STIM2: variants seen among roughly 807,000 people sequenced by gnomAD.
STIM2 encodes the protein stromal interaction molecule 2.
In STIM2, 31 loss-of-function variants were observed where a neutral mutation model predicts 85.8. The ratio of observed to expected loss-of-function variants is 0.36; its 90% CI spans 0.27 to 0.49. The LOEUF (loss-of-function observed/expected upper bound fraction) is 0.49. STIM2 is among the 20% of genes least tolerant of loss of function. The pLI is 0.98. For synonymous variants in STIM2, 356 were observed against 331.1 expected (o/e 1.08, Z -0.82); for missense variants, 841 against 927.6 (o/e 0.91, Z 1.21).
At chr4:26,868,771 G>A (rs1354341676) in intron 1 of STIM2, among the ~76,000 whole-genome samples, 1 of 151,634 alleles carries the variant, frequency 6.6e-6, no homozygotes, top group Non-Finnish European at 1.5e-5. Context: ...CATCTCTAAC[G>A]TTTTCATTAA....
intron 1 of STIM2, among the ~76,000 whole-genome samples, chr4:26,912,416 A>C (rs1724379860): frequency 6.6e-6 from 1 of 152,142 alleles, no homozygotes; most frequent in African/African-American, 2.4e-5. Flanking sequence ...TTTCAGCTTC[A>C]TTTCTTTCTT....
rs56851120 is a variant in STIM2 at position 26,885,821 on chromosome 4, TTATATATATATATA to T, written c.151+24492_151+24505del. 5.7e-3 allele frequency among the ~76,000 whole-genome samples: 486 copies of T among 84,562 alleles called. 4 individuals carry two copies. Among genetic ancestry groups the T allele is most frequent in the African/African-American group, 8.7e-3 (242 of 27,774 alleles). 55.5% of individuals were successfully genotyped at this position (84,562 alleles called of 152,430 possible). On this transcript the variant is annotated intron_variant, in intron 1 of 11. Transcript: ENST00000467087. ...ATGAAGCCAAATTTAGCACCTCAGG[TTATATATATATATA>T]TATATATATATATATATATATATAT...
intron 2 of STIM2, among the ~76,000 whole-genome samples, chr4:26,932,857 A>T (rs1194348839): frequency 6.6e-6 from 1 of 152,348 alleles, no homozygotes; most frequent in South Asian, 2.1e-4. Flanking sequence ...ACAGTGTGCT[A>T]GATGTTGGCT....
In STIM2 at chr4:26,957,247, A is replaced by G. The variant is rs963854805; in HGVS notation, c.283-365A>G. 2.6e-5 allele frequency among the ~76,000 whole-genome samples: 4 copies of G among 152,294 alleles called. No individual in the cohort carries two copies. The South Asian group carries it at 8.3e-4, about 32-fold the overall frequency. On this transcript the variant is annotated intron_variant, in intron 2 of 11. Transcript: ENST00000467087. ...TTAAAACTCTGTACCTGTTCAGTAC[A>G]GACACAGCCATCCATTTTCCCCCAA...
chr4:26,896,631 T>C (rs935947828), intron 1 of STIM2, among the ~76,000 whole-genome samples: 1 of 152,224 alleles, frequency 6.6e-6, no homozygotes, highest in Admixed American at 6.5e-5. Context: ...ATTTTAAAAT[T>C]GGAAGTTTTC....
intron 2 of STIM2, among the ~76,000 whole-genome samples, chr4:26,949,535 A>G (rs757497035): frequency 3.9e-5 from 6 of 152,208 alleles, no homozygotes; most frequent in African/African-American, 1.4e-4. Context: ...TAAAGGCCCT[A>G]TAGTGGTTAT....
chr4:27,021,436 A>G lies in STIM2; in HGVS notation c.1764-1083A>G, dbSNP rs1728908825. Reference sequence around the variant, plus strand: ...GTGGAGATGGAGAGTAGATAACACCAAGCAGAGGGAACAGCAAATGCAGGG... The same window carrying G: ...GTGGAGATGGAGAGTAGATAACACCGAGCAGAGGGAACAGCAAATGCAGGG... On this transcript the variant is annotated intron_variant, in intron 11 of 11. Transcript: ENST00000467087. The G allele has an allele frequency of 1.1e-5, 5 of 455,964 alleles. No individual in the cohort carries two copies. In the Admixed American group the frequency reaches 1.2e-4, roughly 11 times the overall value. 28.2% of individuals were successfully genotyped at this position (455,964 alleles called of 1,614,324 possible).
intron 1 of STIM2, among the ~76,000 whole-genome samples, chr4:26,918,557 T>C (rs1724677860): frequency 6.6e-6 from 1 of 152,136 alleles, no homozygotes; most frequent in Admixed American, 6.5e-5. Flanking sequence ...TCTGGAAATA[T>C]ATGTGGTTCT....
intron 2 of STIM2, among the ~76,000 whole-genome samples, chr4:26,944,826 C>T (rs1725754050): frequency 1.3e-5 from 2 of 152,148 alleles, no homozygotes; most frequent in Non-Finnish European, 2.9e-5. Flanking sequence ...TTCTTATGTA[C>T]ATGGATTTGT....
intron 1 of STIM2, among the ~76,000 whole-genome samples, chr4:26,868,006 G>A (rs1041295782): frequency 2.0e-5 from 3 of 152,198 alleles, no homozygotes; most frequent in Non-Finnish European, 4.4e-5. Flanking sequence ...TTGGCCCTTG[G>A]TGTGCTATAG....
chr4:27,015,879 ATC>A (rs1728716227), intron 10 of STIM2, among the ~76,000 whole-genome samples: 1 of 148,846 alleles, frequency 6.7e-6, no homozygotes, highest in Admixed American at 6.7e-5. Flanking sequence ...ACTAGCCATT[ATC>A]TCTTTGAATA....
intron 7 of STIM2, among the ~76,000 whole-genome samples, chr4:27,007,185 T>TC (rs968623506): frequency 1.3e-5 from 2 of 151,800 alleles, no homozygotes; most frequent in South Asian, 2.1e-4. Context: ...GACTTTTTTT[T>TC]CCCCCTCAGT....
chr4:26,957,531 A>G lies in STIM2; in HGVS notation c.283-81A>G. On this transcript the variant is annotated intron_variant, in intron 2 of 11. Coordinates refer to ENST00000467087, the MANE Select transcript of STIM2 (RefSeq NM_020860.4). ...CTGTTTGAAAATAGTCACCCACTGG[A>G]TATCAGATTTCATCTTTTTCTCTAG... The G allele has an allele frequency of 3.8e-6, 3 of 793,026 alleles. No homozygotes were observed. In the Admixed American group the frequency reaches 9.6e-5, roughly 25 times the overall value. The allele number at this position is 793,026 out of a possible 1,614,324, so 49.1% of individuals were successfully genotyped here.
intron 3 of STIM2, among the ~76,000 whole-genome samples, chr4:26,980,431 A>G (rs150795622): frequency 1.3e-5 from 2 of 152,186 alleles, no homozygotes; most frequent in East Asian, 3.9e-4. Context: ...TAAGTAGAAT[A>G]CTTTCTTCCT....
rs1411493429 is a variant in STIM2 at position 27,023,578 on chromosome 4, G to A, written c.*582G>A. The A allele has an allele frequency of 6.6e-6, 1 of 152,272 alleles. No homozygotes were observed. The highest frequency in any genetic ancestry group is 1.5e-5 in the Non-Finnish European group (1 of 68,104). 9.4% of individuals were successfully genotyped at this position (152,272 alleles called of 1,614,324 possible). A position where few individuals can be genotyped will look rare whatever the true frequency, so the allele number is the denominator to read the frequency against. On this transcript the variant is annotated 3_prime_UTR_variant, in exon 12 of 12. Transcript: ENST00000467087. ...AAAATGGGTTTTTAAGTAGAACCTA[G>A]GGTTTCTAATTGACTTGATTTCTGG...
At chr4:26,990,802 A>G (rs780803131) in intron 3 of STIM2, among the ~76,000 whole-genome samples, 14 of 152,138 alleles carry the variant, frequency 9.2e-5, no homozygotes, top group Non-Finnish European at 1.8e-4. Context: ...ATAAAGACAT[A>G]CCAGTGGCCC....
At chr4:26,915,280 G>A (rs1422839780) in intron 1 of STIM2, among the ~76,000 whole-genome samples, 1 of 151,958 alleles carries the variant, frequency 6.6e-6, no homozygotes, top group Non-Finnish European at 1.5e-5. Flanking sequence ...TGTTACCCAG[G>A]GTGGAGTGTA....
intron 1 of STIM2, among the ~76,000 whole-genome samples, chr4:26,879,680 T>TCC (rs1400761090): frequency 6.6e-6 from 1 of 152,190 alleles, no homozygotes; most frequent in Non-Finnish European, 1.5e-5. Flanking sequence ...AAGCAAGCCT[T>TCC]CCACAAACAT....
chr4:26,927,703 AAAAACTT>A (rs1725011390), intron 2 of STIM2, among the ~76,000 whole-genome samples: 2 of 129,002 alleles, frequency 1.6e-5, no homozygotes, highest in African/African-American at 3.4e-5. Context: ...AAAAAAAAAA[AAAAACTT>A]GAATAAAAAA....
Sources: gnomAD v4.1 joint callset for allele counts (sites outside exome capture counted in the v4.1 genomes callset) on GRCh38, gnomAD v4.1.1 for gene constraint, MANE v1.5 for transcripts, NCBI Gene and HGNC (gene_info 2026-07-23, HGNC 2026-07-21) for gene names.